ETNK1: variants seen among roughly 807,000 people sequenced by gnomAD.
ETNK1 encodes the protein putative protein product of Nbla10396.
A neutral mutation model predicts 45.1 loss-of-function variants in ETNK1; 8 were observed. The observed-to-expected ratio is 0.18, with a 90% CI of 0.10 to 0.32. The LOEUF is 0.32. Ranked by LOEUF, ETNK1 falls within the 10% of genes least tolerant of loss-of-function variation. The pLI is 1.00. For synonymous variants in ETNK1, 152 were observed against 151.9 expected, an observed-to-expected ratio of 1.00 and a Z score of -0.01; for missense variants, 302 against 430.6, an observed-to-expected ratio of 0.70 and a Z score of 2.64.
At chr12:22,640,115 G>T (rs73080476) in intron 1 of ETNK1, among the ~76,000 whole-genome samples, 9,860 of 152,176 alleles carry the variant, frequency 0.065, 455 homozygotes, top group South Asian at 0.14. Context: ...AGTTTAAATT[G>T]TATTTTTAAC....
intron 5 of ETNK1, among the ~76,000 whole-genome samples, chr12:22,671,696 G>C (rs187585300): frequency 6.6e-6 from 1 of 151,778 alleles, no homozygotes. Context: ...AAATTTAGCC[G>C]GGCGTGGTGG....
chr12:22,647,873 C>A (rs753463534), intron 2 of ETNK1, among the ~76,000 whole-genome samples: 1 of 151,742 alleles, frequency 6.6e-6, no homozygotes, highest in South Asian at 2.1e-4. Flanking sequence ...TTTAAAGCAG[C>A]GTTTGACTTG....
In ETNK1 at chr12:22,688,992, G is replaced by C. The variant is rs1042069643; in HGVS notation, c.*4038G>C. ...GTTTGATGTCGTTGGACAGAAAAGTGTATCAATTATTTTAAATGAATTTTT... is the reference window on the plus strand; with the variant it reads ...GTTTGATGTCGTTGGACAGAAAAGTCTATCAATTATTTTAAATGAATTTTT... On this transcript the variant is annotated 3_prime_UTR_variant, in exon 8 of 8. Coordinates refer to ENST00000266517, the MANE Select transcript of ETNK1 (RefSeq NM_018638.5). 1.3e-5 allele frequency: 2 copies of C among 151,810 alleles called. No individual in the cohort carries two copies. The highest frequency in any genetic ancestry group is 3.0e-5 in the Non-Finnish European group (2 of 67,782). 9.4% of individuals were successfully genotyped at this position (151,810 alleles called of 1,614,324 possible). A position where few individuals can be genotyped will look rare whatever the true frequency, so the allele number is the denominator to read the frequency against.
At chr12:22,683,395 A>G (rs946916862) in intron 6 of ETNK1, among the ~76,000 whole-genome samples, 2 of 151,930 alleles carry the variant, frequency 1.3e-5, no homozygotes, top group African/African-American at 4.8e-5. Flanking sequence ...AGTTAGTGGT[A>G]TTTTTTTGAG....
At chr12:22,629,546 T>C (rs1953548027) in intron 1 of ETNK1, among the ~76,000 whole-genome samples, 2 of 152,148 alleles carry the variant, frequency 1.3e-5, no homozygotes, top group African/African-American at 2.4e-5. Context: ...ATATTTTATA[T>C]TGGTCTTTGC....
At chr12:22,669,315 A>C (rs1954083467) in intron 4 of ETNK1, among the ~76,000 whole-genome samples, 3 of 141,524 alleles carry the variant, frequency 2.1e-5, no homozygotes, top group Admixed American at 7.1e-5. Context: ...TATTGTACAT[A>C]AATTTTAAAA....
At chr12:22,679,760 G>T (rs1475765054) in intron 6 of ETNK1, among the ~76,000 whole-genome samples, 1 of 150,262 alleles carries the variant, frequency 6.7e-6, no homozygotes, top group Non-Finnish European at 1.5e-5. Context: ...GAGTGCAGTG[G>T]CACAATCTTG....
chr12:22,642,008 A>G (rs907675200), intron 1 of ETNK1, among the ~76,000 whole-genome samples: 1 of 152,186 alleles, frequency 6.6e-6, no homozygotes, highest in Non-Finnish European at 1.5e-5. Context: ...AGCATGGTCA[A>G]TTTAGGGATA....
intron 1 of ETNK1, among the ~76,000 whole-genome samples, chr12:22,632,247 T>C (rs1953589785): frequency 6.6e-6 from 1 of 152,124 alleles, no homozygotes; most frequent in African/African-American, 2.4e-5. Flanking sequence ...ATATTAAAAC[T>C]GAATAGGAGA....
chr12:22,651,554 G>T (rs1297262946), intron 2 of ETNK1, among the ~76,000 whole-genome samples: 1 of 151,458 alleles, frequency 6.6e-6, no homozygotes, highest in African/African-American at 2.4e-5. Flanking sequence ...TTTCTTTCTG[G>T]CTCCAGTTGT....
intron 1 of ETNK1, among the ~76,000 whole-genome samples, chr12:22,627,308 A>G (rs1953515690): frequency 6.6e-6 from 1 of 152,156 alleles, no homozygotes; most frequent in Non-Finnish European, 1.5e-5. Context: ...GTGTGTTTAA[A>G]TCTTGGTTTC....
chr12:22,660,864 C>T (rs1953992589), intron 3 of ETNK1, among the ~76,000 whole-genome samples, 199 bp from the exon 4 acceptor site: 1 of 152,050 alleles, frequency 6.6e-6, no homozygotes, highest in South Asian at 2.1e-4. Context: ...AATTGCTGCT[C>T]AGTTTCTTCT....
rs548660557 is a variant in ETNK1 at position 22,658,778 on chromosome 12, A to G, written c.417-236A>G. 2.2e-4 allele frequency among the ~76,000 whole-genome samples: 33 copies of G among 152,296 alleles called. 1 individual carries two copies. The highest frequency in any genetic ancestry group is 7.7e-4 in the African/African-American group (32 of 41,578). On this transcript the variant is annotated intron_variant, in intron 2 of 7. Coordinates refer to ENST00000266517, the MANE Select transcript of ETNK1 (RefSeq NM_018638.5). ...GAAGATGGCCAGAGTAATCAGAGTA[A>G]TTAATTTGGGGAATGGTGAAGGATA... is the stretch of plus-strand genomic sequence containing the variant.
intron 2 of ETNK1, among the ~76,000 whole-genome samples, chr12:22,651,657 A>T (rs1190439444): frequency 4.2e-5 from 6 of 142,912 alleles, no homozygotes; most frequent in African/African-American, 1.6e-4. Context: ...TTTTTTTTTT[A>T]TAATGTAAAA....
chr12:22,662,911 A>G (rs1954020790), intron 4 of ETNK1, among the ~76,000 whole-genome samples: 1 of 152,202 alleles, frequency 6.6e-6, no homozygotes, highest in African/African-American at 2.4e-5. Flanking sequence ...AAGAAAACCA[A>G]AGGTACACTG....
intron 1 of ETNK1, among the ~76,000 whole-genome samples, chr12:22,635,349 G>A (rs17426308): frequency 1.1e-4 from 16 of 152,258 alleles, no homozygotes; most frequent in African/African-American, 3.9e-4. Flanking sequence ...TAGACCAGTT[G>A]TTGGCATCAG....
chr12:22,648,617 C>G (rs1953836726), intron 2 of ETNK1, among the ~76,000 whole-genome samples: 1 of 151,958 alleles, frequency 6.6e-6, no homozygotes, highest in Admixed American at 6.6e-5. Flanking sequence ...GTTCATTCAA[C>G]TACTGAAGGA....
At chr12:22,665,663 A>C (rs191172939) in intron 4 of ETNK1, among the ~76,000 whole-genome samples, 1 of 152,302 alleles carries the variant, frequency 6.6e-6, no homozygotes, top group East Asian at 1.9e-4. Flanking sequence ...GCTGTGTTCA[A>C]ATAAAACTTT....
chr12:22,678,025 T>C (rs577899053), intron 6 of ETNK1, among the ~76,000 whole-genome samples: 1 of 152,318 alleles, frequency 6.6e-6, no homozygotes, highest in East Asian at 1.9e-4. Flanking sequence ...ACAACTTTCT[T>C]GCATCAGGGC....
Sources: gnomAD v4.1 joint callset for allele counts (sites outside exome capture counted in the v4.1 genomes callset) on GRCh38, gnomAD v4.1.1 for gene constraint, MANE v1.5 for transcripts, NCBI Gene and HGNC (gene_info 2026-07-23, HGNC 2026-07-21) for gene names.